The following LZTS1 variants were observed in gnomAD, a reference collection of about 807,000 sequenced individuals.
The protein encoded by LZTS1 is leucine zipper tumor suppressor 1.
Under a neutral mutation model 45.8 loss-of-function variants are expected in LZTS1, and 31 were observed. The ratio of observed to expected loss-of-function variants is 0.68; its 90% CI spans 0.51 to 0.91. The LOEUF (loss-of-function observed/expected upper bound fraction) is 0.91. LZTS1 is among the 40% of genes least tolerant of loss of function. The pLI is 0.00. For missense variants in LZTS1, 821 were observed against 788.9 expected (o/e 1.04, Z -0.49); for synonymous variants, 359 against 357.3 (o/e 1.00, Z -0.05).
chr8:20,289,791 C>T (rs546127497), intron 1 of LZTS1: 1 of 152,322 alleles, frequency 6.6e-6, no homozygotes, highest in Non-Finnish European at 1.5e-5. Context: ...GTTTAACAAG[C>T]TCCCCATCTC....
intron 1 of LZTS1, among the ~76,000 whole-genome samples, chr8:20,290,701 A>C (rs1800886420): frequency 6.6e-6 from 1 of 152,188 alleles, no homozygotes; most frequent in Non-Finnish European, 1.5e-5. Context: ...AACCCCCATA[A>C]ACTGAACTAA....
chr8:20,276,240 G>C (rs1800579151), intron 1 of LZTS1, among the ~76,000 whole-genome samples: 1 of 81,662 alleles, frequency 1.2e-5, no homozygotes, highest in Admixed American at 1.9e-4. Context: ...AGAGTCTCCA[G>C]AGTGATTTTT....
At chr8:20,303,367 C>G (rs1186992647) in intron 1 of LZTS1, among the ~76,000 whole-genome samples, 1 of 152,164 alleles carries the variant, frequency 6.6e-6, no homozygotes. Context: ...CCTGCGGCCT[C>G]GCGTCCCCAC....
At chr8:20,260,661 T>A (rs982311315) in intron 1 of LZTS1, among the ~76,000 whole-genome samples, 2 of 152,198 alleles carry the variant, frequency 1.3e-5, no homozygotes, top group Non-Finnish European at 2.9e-5. Flanking sequence ...TTTGGGCCAA[T>A]GCCAACAAGA....
At chr8:20,263,603 T>C (rs935820505) in intron 1 of LZTS1, among the ~76,000 whole-genome samples, 18 of 152,128 alleles carry the variant, frequency 1.2e-4, no homozygotes, top group African/African-American at 4.1e-4. Flanking sequence ...GGAGAGACCA[T>C]TGGAAGTGAA....
rs557011381 is a variant in LZTS1, at chr8:20,264,662, A to G, written c.-134-9347T>C. ...GCAGAGGGGTTGACCTGCTGCAGGT[A>G]CAGAGGAGCCCCCTGCTCTGAGGCA... On this transcript the variant is annotated intron_variant, in intron 1 of 3. Transcript: ENST00000381569. 4.8e-4 allele frequency among the ~76,000 whole-genome samples: 73 copies of G among 152,302 alleles called. 1 individual carries two copies. The Middle Eastern group carries it at 0.014, about 28-fold the overall frequency.
chr8:20,287,182 G>A (rs543046955), intron 1 of LZTS1, among the ~76,000 whole-genome samples: 7 of 152,184 alleles, frequency 4.6e-5, no homozygotes, highest in Non-Finnish European at 2.9e-5. Flanking sequence ...AAAGGTGTTC[G>A]GTGCCGGTCA....
intron 1 of LZTS1, among the ~76,000 whole-genome samples, chr8:20,275,326 C>T (rs1479231779): frequency 3.7e-5 from 5 of 133,766 alleles, no homozygotes; most frequent in Non-Finnish European, 8.1e-5. Flanking sequence ...CACTTGAACC[C>T]GGGAGGCAGA....
At chr8:20,256,169 C>T (rs1039147653) in intron 1 of LZTS1, among the ~76,000 whole-genome samples, 1 of 151,416 alleles carries the variant, frequency 6.6e-6, no homozygotes, top group African/African-American at 2.4e-5. Flanking sequence ...AGTATAAAAG[C>T]CTGAGTCCCT....
chr8:20,300,615 A>C (rs1483257649), intron 1 of LZTS1, among the ~76,000 whole-genome samples: 1 of 152,064 alleles, frequency 6.6e-6, no homozygotes, highest in Non-Finnish European at 1.5e-5. Flanking sequence ...TACAAGCGTG[A>C]GCCACAGCGC....
intron 1 of LZTS1, among the ~76,000 whole-genome samples, chr8:20,264,002 C>T (rs1050979496): frequency 5.3e-5 from 8 of 152,050 alleles, no homozygotes; most frequent in Non-Finnish European, 1.0e-4. Flanking sequence ...AGTCCCCATT[C>T]CCTATTCCTT....
intron 1 of LZTS1, among the ~76,000 whole-genome samples, chr8:20,264,280 C>T (rs551493496): frequency 1.3e-5 from 2 of 152,198 alleles, no homozygotes; most frequent in African/African-American, 2.4e-5. Context: ...CACCTCATTT[C>T]TTTTACTATT....
At chr8:20,271,817 G>C (rs1007078324) in intron 1 of LZTS1, among the ~76,000 whole-genome samples, 1 of 152,214 alleles carries the variant, frequency 6.6e-6, no homozygotes, top group African/African-American at 2.4e-5. Flanking sequence ...CATTGCCTGT[G>C]GTTTGGTGGG....
intron 1 of LZTS1, chr8:20,289,162 T>C (rs1800852688): frequency 6.6e-6 from 1 of 152,136 alleles, no homozygotes; most frequent in African/African-American, 2.4e-5. Flanking sequence ...CCTTTAGAGA[T>C]TAGATTTAGG....
At chr8:20,257,682 T>C (rs1339050163) in intron 1 of LZTS1, among the ~76,000 whole-genome samples, 1 of 151,250 alleles carries the variant, frequency 6.6e-6, no homozygotes, top group African/African-American at 2.4e-5. Flanking sequence ...TTTTTTTTTT[T>C]TTTTTGAGAT....
intron 1 of LZTS1, among the ~76,000 whole-genome samples, chr8:20,286,849 CA>C (rs1413239409): frequency 1.3e-5 from 2 of 152,120 alleles, no homozygotes; most frequent in Non-Finnish European, 2.9e-5. Flanking sequence ...ACCAGTTTCA[CA>C]AAGGACACGT....
intron 1 of LZTS1, among the ~76,000 whole-genome samples, chr8:20,294,944 C>A (rs1019260014): frequency 4.6e-5 from 7 of 151,772 alleles, no homozygotes; most frequent in Admixed American, 4.6e-4. Context: ...GCTAGGGAGG[C>A]TTCTGTTCTT....
At chr8:20,265,091 G>A (rs1026857919) in intron 1 of LZTS1, among the ~76,000 whole-genome samples, 3 of 152,168 alleles carry the variant, frequency 2.0e-5, no homozygotes, top group Non-Finnish European at 2.9e-5. Context: ...GTCCCAGGTC[G>A]GGGAGCAAGC....
intron 1 of LZTS1, among the ~76,000 whole-genome samples, chr8:20,268,637 G>A (rs376680183): frequency 6.6e-6 from 1 of 152,066 alleles, no homozygotes; most frequent in South Asian, 2.1e-4. Context: ...AGGCCTACAT[G>A]AGCAAAGCTC....
Sources: allele counts gnomAD v4.1 joint callset (sites outside exome capture counted in the v4.1 genomes callset), GRCh38; gene constraint gnomAD v4.1.1; transcripts MANE v1.5; gene names NCBI Gene and HGNC (gene_info 2026-07-23, HGNC 2026-07-21).